ANKRD33B: variants seen among roughly 807,000 people sequenced by gnomAD.
The protein encoded by ANKRD33B is ankyrin repeat domain-containing protein 33B.
Under a neutral mutation model 21.5 loss-of-function variants are expected in ANKRD33B, and 6 were observed. The observed-to-expected ratio is 0.28, with a 90% confidence interval of 0.15 to 0.55. ANKRD33B has a LOEUF of 0.55. Among genes scored for constraint, ANKRD33B ranks in the 20% least tolerant of loss-of-function variants. The pLI, the probability that ANKRD33B is intolerant of heterozygous loss-of-function variation, is 0.94. For missense variants in ANKRD33B, 698 were observed against 747.2 expected, an observed-to-expected ratio of 0.93 and a Z score of 0.77; for synonymous variants, 347 against 342.4, an observed-to-expected ratio of 1.01 and a Z score of -0.15.
At chr5:10,647,165 T>C (rs1223826163) in intron 3 of ANKRD33B, among the ~76,000 whole-genome samples, 3 of 151,894 alleles carry the variant, frequency 2.0e-5, no homozygotes, top group Non-Finnish European at 4.4e-5. Context: ...AGTGCGGTGG[T>C]GCGATCTCGG....
chr5:10,649,347 T>G lies in ANKRD33B; in HGVS notation c.719T>G (p.Val240Gly). Residue 240 changes from valine (V) to glycine (G), a missense_variant, in exon 4 of 4, where the codon GTC becomes GGC. Val to Gly is a moderately radical substitution (Grantham distance 109). Coordinates refer to ENST00000296657, the MANE Select transcript of ANKRD33B (RefSeq NM_001164440.2). Reference sequence around the variant, plus strand: ...ACTTACACGGGCCGCGTGGATGCCGTCCGTCTCATGCAGAGGCTGCTGGAG... The same window carrying G: ...ACTTACACGGGCCGCGTGGATGCCGGCCGTCTCATGCAGAGGCTGCTGGAG... ...WATYTGRVDA[V>G]RLMQRLLERP... The G allele has an allele frequency of 6.5e-7, 1 of 1,535,240 alleles. No individual in the cohort carries two copies.
intron 1 of ANKRD33B, among the ~76,000 whole-genome samples, chr5:10,565,443 A>G (rs1184327911): frequency 1.3e-5 from 2 of 152,122 alleles, no homozygotes; most frequent in African/African-American, 4.8e-5. Context: ...CGACCAGCCA[A>G]CGTGATCTCT....
intron 2 of ANKRD33B, among the ~76,000 whole-genome samples, chr5:10,633,179 G>A (rs190759858): frequency 2.5e-3 from 371 of 145,746 alleles, no homozygotes; most frequent in Non-Finnish European, 4.2e-3. Flanking sequence ...TTGGCTCACC[G>A]CAACCTCCAC....
At chr5:10,573,325 C>G (rs772895013) in intron 1 of ANKRD33B, among the ~76,000 whole-genome samples, 1 of 152,070 alleles carries the variant, frequency 6.6e-6, no homozygotes, top group Non-Finnish European at 1.5e-5. Flanking sequence ...AAAATTAGCT[C>G]GGTGTAGTGG....
intron 1 of ANKRD33B, among the ~76,000 whole-genome samples, chr5:10,604,735 T>C (rs1450686831): frequency 6.6e-6 from 1 of 152,132 alleles, no homozygotes; most frequent in African/African-American, 2.4e-5. Context: ...TCAACTTTAA[T>C]GAATGATCCA....
chr5:10,630,300 C>G (rs1736676897), intron 2 of ANKRD33B, among the ~76,000 whole-genome samples: 1 of 152,250 alleles, frequency 6.6e-6, no homozygotes. Context: ...GCATGCATTA[C>G]TCATCCTCTT....
chr5:10,621,888 TAGATG>T (rs571638668), intron 2 of ANKRD33B, among the ~76,000 whole-genome samples: 21 of 152,278 alleles, frequency 1.4e-4, no homozygotes, highest in Non-Finnish European at 2.9e-4. Context: ...TAATTAAGTT[TAGATG>T]AGATCATGAG....
In ANKRD33B at chr5:10,590,607, C is replaced by CGT. The variant is rs796913943; in HGVS notation, c.366+25793_366+25794dup. Among the ~76,000 whole-genome samples, 158 of 84,462 alleles carry CGT rather than the reference C, an allele frequency of 1.9e-3. 2 individuals carry two copies. Among genetic ancestry groups the CGT allele is most frequent in the Admixed American group, 6.8e-3 (59 of 8,642 alleles). 55.4% of individuals were successfully genotyped at this position (84,462 alleles called of 152,430 possible). A position where few individuals can be genotyped will look rare whatever the true frequency, so the allele number is the denominator to read the frequency against. ...TTTGAGATGCGCGCGCGCGCGCGCG[C>CGT]GTGTGTGTGTGTGTGTGTGTTTTCA... On this transcript the variant is annotated intron_variant, in intron 1 of 3. Transcript: ENST00000296657.
intron 2 of ANKRD33B, chr5:10,628,034 C>T (rs556309183): frequency 7.2e-5 from 11 of 152,454 alleles, no homozygotes; most frequent in African/African-American, 2.4e-4. Flanking sequence ...CTGTTCATGC[C>T]GCGTGGCTGG....
At position 10,581,379 on chromosome 5, in the gene ANKRD33B, G is replaced by A. The variant is rs564028609; in HGVS notation, c.366+16546G>A. Among the ~76,000 whole-genome samples, 104 of 152,344 alleles carry A rather than the reference G, an allele frequency of 6.8e-4. 1 individual carries two copies. Among genetic ancestry groups the A allele is most frequent in the African/African-American group, 1.9e-3 (81 of 41,572 alleles). The stretch of plus-strand genomic sequence containing the variant: ...GAGCAGCCTGTTTGAGGTGCACGGT[G>A]GCCTGGCCCTCTGGGCTCGCCAACA... On this transcript the variant is annotated intron_variant, in intron 1 of 3. Coordinates refer to ENST00000296657, the MANE Select transcript of ANKRD33B (RefSeq NM_001164440.2).
chr5:10,579,672 T>G (rs970424123), intron 1 of ANKRD33B, among the ~76,000 whole-genome samples: 2 of 152,086 alleles, frequency 1.3e-5, no homozygotes, highest in African/African-American at 4.8e-5. Flanking sequence ...ATTAAATGAT[T>G]AAAATAAGTA....
In ANKRD33B at chr5:10,649,431, A is replaced by T. The variant is rs1737270562; in HGVS notation, c.803A>T (p.Glu268Val). The T allele has an allele frequency of 6.5e-7, 1 of 1,535,194 alleles. No individual in the cohort carries two copies. The highest frequency in any genetic ancestry group is 1.4e-5 in the African/African-American group (1 of 73,000). Residue 268 changes from glutamate (E) to valine (V), a missense_variant, in exon 4 of 4, where the codon GAA becomes GTA. This residue lies in a region of ANKRD33B where 543 missense variants were observed against 566.5 expected (regional missense o/e 0.96). Coordinates refer to ENST00000296657, the MANE Select transcript of ANKRD33B (RefSeq NM_001164440.2). Reference sequence around the variant, plus strand: ...CGGCCCGAGCTGCCGCCGCCCCCTGAAGCGGCGCGGAAGCCCGCGGGCTCC... The same window carrying T: ...CGGCCCGAGCTGCCGCCGCCCCCTGTAGCGGCGCGGAAGCCCGCGGGCTCC... ...KYRPELPPPP[E>V]AARKPAGSKN...
intron 3 of ANKRD33B, among the ~76,000 whole-genome samples, chr5:10,648,951 C>T (rs531642157): frequency 2.6e-4 from 40 of 152,046 alleles, no homozygotes; most frequent in Middle Eastern, 3.4e-3. Context: ...GGCCACATAG[C>T]CAGGCCCCAT....
Position 10,650,415 on chromosome 5 carries a change from G to GT in ANKRD33B, c.*306dup, listed in dbSNP as rs1737323294. The GT allele has an allele frequency of 4.5e-6, 1 of 221,336 alleles. No homozygotes were observed. 13.7% of individuals were successfully genotyped at this position (221,336 alleles called of 1,614,324 possible). A position where few individuals can be genotyped will look rare whatever the true frequency, so the allele number is the denominator to read the frequency against. ...TTTAAAGATCAATTTATCAAAGGGC[G>GT]TTTTCTCCGTAATTTTGTATTTTTA... On this transcript the variant is annotated 3_prime_UTR_variant, in exon 4 of 4. Coordinates refer to ENST00000296657, the MANE Select transcript of ANKRD33B (RefSeq NM_001164440.2).
In ANKRD33B at chr5:10,619,721, G is replaced by A. The variant is rs1357690625; in HGVS notation, c.496+1259G>A. 6.6e-6 allele frequency among the ~76,000 whole-genome samples: 1 copy of A among 152,190 alleles called. No homozygotes were observed. The highest frequency in any genetic ancestry group is 1.5e-5 in the Non-Finnish European group (1 of 68,042). On this transcript the variant is annotated intron_variant, in intron 2 of 3. Coordinates refer to ENST00000296657, the MANE Select transcript of ANKRD33B (RefSeq NM_001164440.2). This position sits in a 1 kb window ranked among gnomAD's most constrained non-coding sequence, Gnocchi z 4.5. ...TTGAAAACCTAGCAAGAGTGTGAAA[G>A]GGCTTTGTAAGGCATTCAGTGATTC... is the stretch of plus-strand genomic sequence containing the variant.
rs1158962877 is a variant in ANKRD33B at position 10,649,357 on chromosome 5, G to C, written c.729G>C (p.Met243Ile). Residue 243 changes from methionine to isoleucine, a missense_variant, in exon 4 of 4, where the codon ATG (methionine) becomes ATC (isoleucine). Physicochemically the swap from Met to Ile is conservative, Grantham distance 10. Transcript: ENST00000296657. ...GCCGCGTGGATGCCGTCCGTCTCATGCAGAGGCTGCTGGAGCGCCCCTGCC... is the reference window on the plus strand; with the variant it reads ...GCCGCGTGGATGCCGTCCGTCTCATCCAGAGGCTGCTGGAGCGCCCCTGCC... ...YTGRVDAVRL[M>I]QRLLERPCPE... 2.1e-5 allele frequency: 32 copies of C among 1,535,382 alleles called. 1 individual carries two copies. Among genetic ancestry groups the C allele is most frequent in the Non-Finnish European group, 2.8e-5 (32 of 1,146,744 alleles).
chr5:10,597,143 A>G (rs984300947), intron 1 of ANKRD33B, among the ~76,000 whole-genome samples: 2 of 152,222 alleles, frequency 1.3e-5, no homozygotes, highest in Non-Finnish European at 2.9e-5. Context: ...ACAACTCTGC[A>G]AATAACCAGC....
At chr5:10,609,344 G>A (rs1319214882) in intron 1 of ANKRD33B, among the ~76,000 whole-genome samples, 8 of 152,100 alleles carry the variant, frequency 5.3e-5, no homozygotes, top group African/African-American at 1.9e-4. Flanking sequence ...CTTGAGCCCA[G>A]GAGTTCGAGA....
At chr5:10,593,291 T>C (rs1258623915) in intron 1 of ANKRD33B, among the ~76,000 whole-genome samples, 2 of 152,198 alleles carry the variant, frequency 1.3e-5, no homozygotes, top group Non-Finnish European at 2.9e-5. Flanking sequence ...TATATTTTGC[T>C]CTGTTTACTT....
Sources: gnomAD v4.1 joint callset for allele counts (sites outside exome capture counted in the v4.1 genomes callset) on GRCh38, gnomAD v4.1.1 for gene constraint, gnomAD v4.1.1 regional missense constraint, Gnocchi (gnomAD v3.1) non-coding constraint, MANE v1.5 for transcripts, NCBI Gene and HGNC (gene_info 2026-07-23, HGNC 2026-07-21) for gene names.